The following BRF1 variants were observed in gnomAD, a reference collection of about 807,000 sequenced individuals.
BRF1 encodes the protein BRF1 general transcription factor IIIB subunit, also known as transcription factor IIIB 90 kDa subunit.
Under a neutral mutation model 81.7 loss-of-function variants are expected in BRF1, and 59 were observed. The observed-to-expected ratio is 0.72, with a 90% confidence interval of 0.59 to 0.90. The LOEUF is 0.90. Ranked by LOEUF, BRF1 falls within the 40% of genes least tolerant of loss-of-function variation. The pLI, the probability that BRF1 is intolerant of heterozygous loss-of-function variation, is 0.00. For synonymous variants in BRF1, 491 were observed against 395.6 expected, an observed-to-expected ratio of 1.24 and a Z score of -2.86; for missense variants, 1,050 against 936.3, an observed-to-expected ratio of 1.12 and a Z score of -1.58.
intron 15 of BRF1, among the ~76,000 whole-genome samples, chr14:105,215,128 C>T (rs1469889306): frequency 6.6e-6 from 1 of 152,178 alleles, no homozygotes; most frequent in Non-Finnish European, 1.5e-5. Context: ...GTTTCTAAAG[C>T]AGGAAGCAGT....
At chr14:105,290,708 C>T (rs2057476542) in intron 1 of BRF1, among the ~76,000 whole-genome samples, 1 of 152,092 alleles carries the variant, frequency 6.6e-6, no homozygotes, top group South Asian at 2.1e-4. Context: ...CCACCTCTGC[C>T]CTCCCTCCTC....
At chr14:105,246,750 C>A (rs2140253984) in intron 5 of BRF1, 1 of 954,786 alleles carries the variant, frequency 1.0e-6, no homozygotes, top group Non-Finnish European at 1.2e-6. Flanking sequence ...AGCCACCGCG[C>A]CCAACCTACA....
intron 1 of BRF1, among the ~76,000 whole-genome samples, chr14:105,295,065 G>A (rs1466223957): frequency 3.3e-5 from 5 of 152,024 alleles, no homozygotes; most frequent in Non-Finnish European, 7.4e-5. Context: ...AAGAGGAAAC[G>A]TTTCCCAACC....
At chr14:105,254,858 G>A (rs895190910) in intron 4 of BRF1, among the ~76,000 whole-genome samples, 2 of 152,322 alleles carry the variant, frequency 1.3e-5, no homozygotes, top group Admixed American at 6.5e-5. Context: ...CACCGCGCCC[G>A]GCCTAAATAC....
chr14:105,283,370 C>T (rs990822786), intron 2 of BRF1, among the ~76,000 whole-genome samples: 1 of 152,160 alleles, frequency 6.6e-6, no homozygotes, highest in Non-Finnish European at 1.5e-5. Flanking sequence ...ACCCAGGCTG[C>T]AGCTGCAGAA....
At chr14:105,263,856 C>A (rs933538013) in intron 3 of BRF1, among the ~76,000 whole-genome samples, 2 of 150,112 alleles carry the variant, frequency 1.3e-5, no homozygotes, top group Non-Finnish European at 3.0e-5. Context: ...ACCTGGGAGG[C>A]GGAGCTTGCA....
At chr14:105,279,374 A>T (rs1331949084) in intron 2 of BRF1, among the ~76,000 whole-genome samples, 1 of 152,240 alleles carries the variant, frequency 6.6e-6, no homozygotes, top group Non-Finnish European at 1.5e-5. Context: ...AAGACAACTC[A>T]GTTTTTAAAA....
At chr14:105,241,091 G>C (rs1369027382) in intron 6 of BRF1, among the ~76,000 whole-genome samples, 174 bp downstream of exon 6, 1 of 152,246 alleles carries the variant, frequency 6.6e-6, no homozygotes, top group Non-Finnish European at 1.5e-5. Flanking sequence ...GCAGCCAGGA[G>C]GTCCTGGAGG....
chr14:105,272,225 G>T (rs587608272), intron 3 of BRF1, among the ~76,000 whole-genome samples: 5 of 144,928 alleles, frequency 3.4e-5, no homozygotes, highest in African/African-American at 1.3e-4. Flanking sequence ...CTGCAGTCAC[G>T]GTATCCACGC....
rs587727144 is a variant in BRF1 at position 105,248,528 on chromosome 14, C to CTGACGCAGCG, written c.544+3969_544+3978dup. 3,915 of 951,262 alleles carry CTGACGCAGCG rather than the reference C, an allele frequency of 4.1e-3. 11 individuals are homozygous for CTGACGCAGCG. Among genetic ancestry groups the CTGACGCAGCG allele is most frequent in the East Asian group, 0.013 (91 of 7,190 alleles). The allele number at this position is 951,262 out of a possible 1,614,324, so 58.9% of individuals were successfully genotyped here. On this transcript the variant is annotated intron_variant, in intron 5 of 17. Coordinates refer to ENST00000547530, the MANE Select transcript of BRF1 (RefSeq NM_001519.4). ...CAGCGACGTCGCGCGGGGCGCGGCCCTGACGCAGCGTGACGCACCGGCGCC... is the reference window on the plus strand; with the variant it reads ...CAGCGACGTCGCGCGGGGCGCGGCCCTGACGCAGCGTGACGCAGCGTGACGCACCGGCGCC...
chr14:105,226,481 T>A (rs1893115539), intron 8 of BRF1, among the ~76,000 whole-genome samples, 153 bp downstream of exon 8: 1 of 152,190 alleles, frequency 6.6e-6, no homozygotes, highest in African/African-American at 2.4e-5. Flanking sequence ...GTGAGGGGCA[T>A]CCCGGAGCCT....
At chr14:105,270,226 T>G (rs1049572440) in intron 3 of BRF1, among the ~76,000 whole-genome samples, 1 of 148,944 alleles carries the variant, frequency 6.7e-6, no homozygotes, top group Non-Finnish European at 1.5e-5. Context: ...CAGGCTGGAG[T>G]GCAGTGGCGC....
intron 3 of BRF1, among the ~76,000 whole-genome samples, chr14:105,262,300 C>A (rs1323624850): frequency 1.3e-5 from 2 of 152,198 alleles, no homozygotes; most frequent in South Asian, 4.1e-4. Flanking sequence ...CAGAGACCAC[C>A]CTGCTCCTCC....
At chr14:105,295,329 T>A (rs1453005017) in intron 1 of BRF1, among the ~76,000 whole-genome samples, 85 of 129,192 alleles carry the variant, frequency 6.6e-4, no homozygotes, top group South Asian at 9.2e-4. Flanking sequence ...AAAAAAAAAA[T>A]TGGCGTTGGC....
At chr14:105,215,841 CACAG>C (rs1156804285) in intron 15 of BRF1, among the ~76,000 whole-genome samples, 3 of 146,218 alleles carry the variant, frequency 2.1e-5, no homozygotes, top group Non-Finnish European at 3.0e-5. Context: ...ACACTGCATA[CACAG>C]ACACAGGCAC....
At chr14:105,267,015 C>A (rs2056445472) in intron 3 of BRF1, among the ~76,000 whole-genome samples, 1 of 152,068 alleles carries the variant, frequency 6.6e-6, no homozygotes, top group South Asian at 2.1e-4. Flanking sequence ...TGCACTCCAG[C>A]CTGGGTGATC....
intron 3 of BRF1, among the ~76,000 whole-genome samples, chr14:105,261,707 A>T (rs1285408442): frequency 6.6e-6 from 1 of 152,240 alleles, no homozygotes; most frequent in Non-Finnish European, 1.5e-5. Context: ...TTGTATATAG[A>T]GCCCCACAGA....
rs587660324 is a variant in BRF1, at chr14:105,215,839, TAC to T, written c.1772+1703_1772+1704del. Reference sequence around the variant, plus strand: ...CACACACACATGCACACACACTGCATACACAGACACAGGCACACACACACATG... The same window carrying T: ...CACACACACATGCACACACACTGCATACAGACACAGGCACACACACACATG... On this transcript the variant is annotated intron_variant, in intron 15 of 17. Transcript: ENST00000547530. Among the ~76,000 whole-genome samples, 75 of 116,080 alleles carry T rather than the reference TAC, an allele frequency of 6.5e-4. 2 individuals are homozygous for T. The East Asian group carries it at 0.019, about 29-fold the overall frequency. The allele number at this position is 116,080 out of a possible 152,430, so 76.2% of individuals were successfully genotyped here.
chr14:105,223,669 G>A (rs894368263), intron 10 of BRF1, among the ~76,000 whole-genome samples: 4 of 152,236 alleles, frequency 2.6e-5, no homozygotes, highest in African/African-American at 9.6e-5. Context: ...AAGGGCCTGT[G>A]GACCCCGTGG....
Sources: gnomAD v4.1 joint callset for allele counts (sites outside exome capture counted in the v4.1 genomes callset) on GRCh38, gnomAD v4.1.1 for gene constraint, MANE v1.5 for transcripts, NCBI Gene and HGNC (gene_info 2026-07-23, HGNC 2026-07-21) for gene names.